Variants in NREP observed in about 807,000 individuals in gnomAD.
NREP encodes neuronal regeneration related protein.
NREP carries 5 observed loss-of-function variants against 8.6 expected under a neutral mutation model. That is an observed-to-expected ratio of 0.58 (90% CI 0.30 to 1.22). NREP has a LOEUF of 1.22. NREP is among the 50% of genes most tolerant of loss of function. The probability of loss-of-function intolerance (pLI) is 0.07; values close to 1 mark genes in which losing one functional copy is unlikely to be tolerated. For synonymous variants in NREP, 27 were observed against 28.0 expected, an observed-to-expected ratio of 0.96 and a Z score of 0.11; for missense variants, 86 against 82.5, an observed-to-expected ratio of 1.04 and a Z score of -0.17.
intron 2 of NREP, among the ~76,000 whole-genome samples, chr5:111,922,091 C>T (rs1412291505): frequency 6.6e-6 from 1 of 152,132 alleles, no homozygotes; most frequent in Admixed American, 6.5e-5. Context: ...ATCATACATA[C>T]AACATTTCAA....
chr5:111,916,034 G>T (rs372399518), intron 2 of NREP, among the ~76,000 whole-genome samples: 1 of 152,004 alleles, frequency 6.6e-6, no homozygotes, highest in South Asian at 2.1e-4. Context: ...AAGCCAAAAG[G>T]ATACAAACAT....
At chr5:111,905,843 T>C (rs1754767545) in intron 2 of NREP, among the ~76,000 whole-genome samples, 2 of 152,138 alleles carry the variant, frequency 1.3e-5, no homozygotes, top group African/African-American at 4.8e-5. Flanking sequence ...ATTAAATACA[T>C]CTGACCCATT....
At chr5:111,753,863 A>G (rs1750534482) in intron 2 of NREP, among the ~76,000 whole-genome samples, 2 of 152,182 alleles carry the variant, frequency 1.3e-5, no homozygotes, top group African/African-American at 4.8e-5. Context: ...AAGAGGAGAT[A>G]CAAAGACACC....
intron 2 of NREP, among the ~76,000 whole-genome samples, chr5:111,891,152 T>C (rs574215102): frequency 1.2e-4 from 18 of 152,352 alleles, no homozygotes; most frequent in East Asian, 3.9e-4. Context: ...TCTAGAACAC[T>C]TGGCTGCTTA....
chr5:111,966,559 A>T (rs1305653604), intron 2 of NREP, among the ~76,000 whole-genome samples: 3 of 152,176 alleles, frequency 2.0e-5, no homozygotes, highest in African/African-American at 7.2e-5. Context: ...TTGCAATAAC[A>T]AATATATAGA....
At chr5:111,935,512 A>C (rs1755658510) in intron 2 of NREP, among the ~76,000 whole-genome samples, 1 of 152,110 alleles carries the variant, frequency 6.6e-6, no homozygotes, top group African/African-American at 2.4e-5. Flanking sequence ...TGTGGCACTT[A>C]CTACACAGGT....
Position 111,735,425 on chromosome 5 carries a change from C to T in NREP, c.81+5G>A. 6.3e-7 allele frequency: 1 copy of T among 1,593,566 alleles called. No homozygotes were observed. The highest frequency in any genetic ancestry group is 1.7e-4 in the Middle Eastern group (1 of 5,990). ...TGTTAACAATATGGCATCTAAGGAT[C>T]TTACCTTAGGAAGCCTTCCCTCCAT... On this transcript the variant is annotated splice_donor_5th_base_variant and intron_variant, in intron 3 of 3. Coordinates refer to ENST00000257435, the MANE Select transcript of NREP (RefSeq NM_004772.4).
At chr5:111,799,731 T>C (rs758617681) in intron 2 of NREP, among the ~76,000 whole-genome samples, 1 of 152,228 alleles carries the variant, frequency 6.6e-6, no homozygotes, top group Non-Finnish European at 1.5e-5. Flanking sequence ...TACTTACTTA[T>C]GCGTACATAA....
chr5:111,921,330 C>T (rs1581220624), intron 2 of NREP, among the ~76,000 whole-genome samples: 2 of 152,184 alleles, frequency 1.3e-5, no homozygotes, highest in Non-Finnish European at 2.9e-5. Flanking sequence ...AGTGGTCCTG[C>T]CAAAGACAGG....
At chr5:111,810,695 A>C (rs1007225075) in intron 2 of NREP, among the ~76,000 whole-genome samples, 5 of 152,196 alleles carry the variant, frequency 3.3e-5, no homozygotes, top group African/African-American at 4.8e-5. Context: ...CTGGAACCCA[A>C]ATTTTATAAG....
chr5:111,754,472 A>G (rs1750577801), intron 2 of NREP, among the ~76,000 whole-genome samples: 1 of 152,230 alleles, frequency 6.6e-6, no homozygotes, highest in Non-Finnish European at 1.5e-5. Flanking sequence ...CTTGGAGGCA[A>G]GGTGATGTGG....
intron 2 of NREP, among the ~76,000 whole-genome samples, chr5:111,804,517 G>A (rs961219247): frequency 3.9e-5 from 6 of 152,056 alleles, no homozygotes; most frequent in Non-Finnish European, 7.4e-5. Flanking sequence ...TATGTATAAA[G>A]GAAAAGATTG....
At chr5:111,792,763 T>C (rs1463046554) in intron 2 of NREP, among the ~76,000 whole-genome samples, 1 of 152,080 alleles carries the variant, frequency 6.6e-6, no homozygotes, top group Admixed American at 6.6e-5. Flanking sequence ...TAGAAAGAAA[T>C]TGGTTGAATT....
chr5:111,868,452 T>C (rs916103874), intron 2 of NREP, among the ~76,000 whole-genome samples: 3 of 152,186 alleles, frequency 2.0e-5, no homozygotes, highest in Non-Finnish European at 4.4e-5. Flanking sequence ...TAGTGATTTT[T>C]CACGGCAAAT....
chr5:111,767,152 G>C (rs1198897278), intron 2 of NREP, among the ~76,000 whole-genome samples: 1 of 152,142 alleles, frequency 6.6e-6, no homozygotes, highest in African/African-American at 2.4e-5. Flanking sequence ...CTGATCTGAG[G>C]TTAGATAGAA....
chr5:111,755,389 G>C (rs1750634054), intron 2 of NREP: 2 of 224,568 alleles, frequency 8.9e-6, no homozygotes, highest in Non-Finnish European at 9.1e-6. Flanking sequence ...CTCAGTTTTG[G>C]GTAACTTCGG....
intron 2 of NREP, among the ~76,000 whole-genome samples, chr5:111,904,780 G>A (rs1754737438): frequency 6.6e-6 from 1 of 152,010 alleles, no homozygotes; most frequent in Non-Finnish European, 1.5e-5. Flanking sequence ...GAGAACAATT[G>A]TTTTTCCTTC....
chr5:111,972,871 G>A (rs958058826), intron 2 of NREP, among the ~76,000 whole-genome samples: 6 of 152,216 alleles, frequency 3.9e-5, no homozygotes, highest in African/African-American at 1.4e-4. Flanking sequence ...CATGTGGGCT[G>A]CACCTTCAGG....
At chr5:111,782,368 T>A (rs543718867) in intron 2 of NREP, among the ~76,000 whole-genome samples, 54 of 152,332 alleles carry the variant, frequency 3.5e-4, no homozygotes, top group Middle Eastern at 3.4e-3. Flanking sequence ...CTTTGTTAGT[T>A]ATCCGCCTTA....
Sources: gnomAD v4.1 joint callset for allele counts (sites outside exome capture counted in the v4.1 genomes callset) on GRCh38, gnomAD v4.1.1 for gene constraint, MANE v1.5 for transcripts, NCBI Gene and HGNC (gene_info 2026-07-23, HGNC 2026-07-21) for gene names.